Variants in PRIMA1 observed in about 807,000 individuals in gnomAD.
The protein encoded by PRIMA1 is proline-rich membrane anchor 1.
A neutral mutation model predicts 17.5 loss-of-function variants in PRIMA1; 7 were observed. The ratio of observed to expected loss-of-function variants is 0.40; its 90% confidence interval spans 0.23 to 0.75. The LOEUF (loss-of-function observed/expected upper bound fraction) is 0.75. Ranked by LOEUF, PRIMA1 falls within the 30% of genes least tolerant of loss-of-function variation. The probability of loss-of-function intolerance (pLI) is 0.37; values close to 1 mark genes in which losing one functional copy is unlikely to be tolerated. For synonymous variants in PRIMA1, 97 were observed against 77.9 expected, an observed-to-expected ratio of 1.25 and a Z score of -1.29; for missense variants, 200 against 201.8, an observed-to-expected ratio of 0.99 and a Z score of 0.05.
At chr14:93,722,588 GATA>G in intron 4 of PRIMA1, among the ~76,000 whole-genome samples, 1 of 151,928 alleles carries the variant, frequency 6.6e-6, no homozygotes, top group Non-Finnish European at 1.5e-5. Flanking sequence ...TGCTGGTGGT[GATA>G]GTGATGGTGG....
intron 3 of PRIMA1, among the ~76,000 whole-genome samples, chr14:93,739,768 A>G (rs1195274704): frequency 6.6e-6 from 1 of 152,182 alleles, no homozygotes; most frequent in Non-Finnish European, 1.5e-5. Context: ...CACAGAGACC[A>G]AGTCGAATCA....
At chr14:93,778,660 C>T (rs1020246976) in intron 3 of PRIMA1, among the ~76,000 whole-genome samples, 2 of 152,172 alleles carry the variant, frequency 1.3e-5, no homozygotes, top group African/African-American at 2.4e-5. Flanking sequence ...GTTTGAACGA[C>T]GGCGCAATCA....
chr14:93,787,920 C>A (rs1038881244), intron 1 of PRIMA1, among the ~76,000 whole-genome samples, 171 bp from the exon 2 acceptor site: 1 of 152,136 alleles, frequency 6.6e-6, no homozygotes, highest in African/African-American at 2.4e-5. Context: ...GACTCTTCGT[C>A]AGTCCCAGAA....
chr14:93,737,370 G>A lies in PRIMA1; in HGVS notation c.230C>T (p.Ala77Val), dbSNP rs1357597816. Residue 77 changes from alanine to valine, a missense_variant and splice_region_variant, in exon 4 of 5, where the codon GCT (alanine) becomes GTT (valine). By Grantham distance (64) the Ala-to-Val change is moderately conservative. Transcript: ENST00000393140. Reference protein sequence around the residue: ...PPPPRLLSAPAPNSTSCPTEE... With the variant: ...PPPPRLLSAPVPNSTSCPTEE... The stretch of plus-strand genomic sequence containing the variant: ...AGTGGGGCAAGAGGTAGAGTTGGGA[G>A]CTGAAAAAGACAGGAGCAGCCTGAG... The A allele has an allele frequency of 3.7e-6, 6 of 1,613,756 alleles. No homozygotes were observed. The highest frequency in any genetic ancestry group is 5.1e-6 in the Non-Finnish European group (6 of 1,179,850).
intron 3 of PRIMA1, among the ~76,000 whole-genome samples, chr14:93,778,671 A>G (rs937632266): frequency 2.6e-5 from 4 of 152,244 alleles, no homozygotes; most frequent in Admixed American, 2.0e-4. Context: ...GGCGCAATCA[A>G]ATTGTTCAGA....
chr14:93,737,964 G>A (rs1211011169), intron 3 of PRIMA1, among the ~76,000 whole-genome samples: 2 of 152,242 alleles, frequency 1.3e-5, no homozygotes, highest in Non-Finnish European at 2.9e-5. Flanking sequence ...GGGGAGCGGG[G>A]CTCACAGGGG....
At chr14:93,781,105 C>T (rs1885365810) in intron 2 of PRIMA1, among the ~76,000 whole-genome samples, 2 of 152,186 alleles carry the variant, frequency 1.3e-5, no homozygotes, top group African/African-American at 4.8e-5. Context: ...ATTTACAGCC[C>T]CGGCTTAATA....
At position 93,718,421 on chromosome 14, in the gene PRIMA1, C is replaced by A. The variant is rs1302729344; in HGVS notation, c.*3023G>T. On this transcript the variant is annotated 3_prime_UTR_variant, in exon 5 of 5. Transcript: ENST00000393140. Reference sequence around the variant, plus strand: ...TACAAAAGTCTCAGCAGGAAACCAACCTTAATGGCTTGTTGGTGGATAAGA... The same window carrying A: ...TACAAAAGTCTCAGCAGGAAACCAAACTTAATGGCTTGTTGGTGGATAAGA... The A allele has an allele frequency of 1.3e-5, 2 of 152,546 alleles. No individual in the cohort carries two copies. Among genetic ancestry groups the A allele is most frequent in the African/African-American group, 2.4e-5 (1 of 41,436 alleles). 9.4% of individuals were successfully genotyped at this position (152,546 alleles called of 1,614,324 possible).
chr14:93,763,813 C>T (rs913357804), intron 3 of PRIMA1, among the ~76,000 whole-genome samples: 2 of 152,130 alleles, frequency 1.3e-5, no homozygotes, highest in Non-Finnish European at 2.9e-5. Flanking sequence ...ACGCTCTCCC[C>T]AGTGATCTCT....
At chr14:93,727,098 G>T (rs995565822) in intron 4 of PRIMA1, among the ~76,000 whole-genome samples, 2 of 152,178 alleles carry the variant, frequency 1.3e-5, no homozygotes, top group African/African-American at 4.8e-5. Flanking sequence ...ATCGCCCAGG[G>T]GGGTGGGAGA....
chr14:93,751,475 A>G (rs2076259054), intron 3 of PRIMA1, among the ~76,000 whole-genome samples: 1 of 151,902 alleles, frequency 6.6e-6, no homozygotes, highest in African/African-American at 2.4e-5. Flanking sequence ...CACATCAGGA[A>G]CCCCAGACAT....
chr14:93,735,395 G>C (rs2076143119), intron 4 of PRIMA1, among the ~76,000 whole-genome samples: 1 of 152,158 alleles, frequency 6.6e-6, no homozygotes, highest in Non-Finnish European at 1.5e-5. Flanking sequence ...CAGGTGCCTT[G>C]ACCTAGAATG....
chr14:93,773,018 G>A (rs891391481), intron 3 of PRIMA1, among the ~76,000 whole-genome samples: 1 of 152,196 alleles, frequency 6.6e-6, no homozygotes, highest in African/African-American at 2.4e-5. Context: ...TGTGCAGCAG[G>A]TAGGGTTGTT....
At chr14:93,753,821 G>T (rs2076274957) in intron 3 of PRIMA1, among the ~76,000 whole-genome samples, 1 of 152,162 alleles carries the variant, frequency 6.6e-6, no homozygotes, top group Non-Finnish European at 1.5e-5. Context: ...ACAGCTCCCA[G>T]TTAAAGTGCA....
intron 3 of PRIMA1, among the ~76,000 whole-genome samples, chr14:93,760,855 G>GC: frequency 6.8e-6 from 1 of 146,086 alleles, no homozygotes; most frequent in South Asian, 2.2e-4. Flanking sequence ...CTCCATTGCT[G>GC]CCCCAGTCCA....
chr14:93,765,700 G>C (rs2141183318), intron 3 of PRIMA1, among the ~76,000 whole-genome samples: 1 of 152,128 alleles, frequency 6.6e-6, no homozygotes, highest in African/African-American at 2.4e-5. Context: ...GAATAAGCTT[G>C]CAAGTGATAA....
intron 3 of PRIMA1, among the ~76,000 whole-genome samples, chr14:93,744,491 T>G (rs2076204206): frequency 1.3e-5 from 2 of 152,176 alleles, no homozygotes. Context: ...CACTCACTCC[T>G]CACCCCGAAG....
intron 3 of PRIMA1, among the ~76,000 whole-genome samples, chr14:93,764,580 C>T (rs930316952): frequency 3.9e-5 from 6 of 152,210 alleles, no homozygotes; most frequent in Non-Finnish European, 8.8e-5. Flanking sequence ...GTGCTTGGCA[C>T]ACTCGGTGCT....
At chr14:93,767,450 C>T (rs919677009) in intron 3 of PRIMA1, among the ~76,000 whole-genome samples, 1 of 152,130 alleles carries the variant, frequency 6.6e-6, no homozygotes, top group African/African-American at 2.4e-5. Context: ...CCGGCACTAT[C>T]AGGTCCCAGA....
Sources: gnomAD v4.1 joint callset for allele counts (sites outside exome capture counted in the v4.1 genomes callset) on GRCh38, gnomAD v4.1.1 for gene constraint, MANE v1.5 for transcripts, NCBI Gene and HGNC (gene_info 2026-07-23, HGNC 2026-07-21) for gene names.